The following RUNX2 variants were observed in gnomAD, a reference collection of about 807,000 sequenced individuals.
The protein encoded by RUNX2 is RUNX family transcription factor 2, also known as runt-related transcription factor 2.
Under a neutral mutation model 51.7 loss-of-function variants are expected in RUNX2, and 10 were observed. The ratio of observed to expected loss-of-function variants is 0.19; its 90% CI spans 0.12 to 0.33. RUNX2 has a LOEUF of 0.33. Ranked by LOEUF, RUNX2 falls within the 10% of genes least tolerant of loss-of-function variation. The pLI is 1.00. For synonymous variants in RUNX2, 276 were observed against 273.6 expected (o/e 1.01, Z -0.09); for missense variants, 562 against 691.3 (o/e 0.81, Z 2.10).
At chr6:45,434,510 A>C (rs1798627756) in intron 4 of RUNX2, among the ~76,000 whole-genome samples, 2 of 152,164 alleles carry the variant, frequency 1.3e-5, no homozygotes, top group South Asian at 4.1e-4. Flanking sequence ...CTTAGATTAT[A>C]AAGGAGTCAT....
At chr6:45,463,973 C>CA (rs1336560417) in intron 5 of RUNX2, among the ~76,000 whole-genome samples, 1 of 152,120 alleles carries the variant, frequency 6.6e-6, no homozygotes, top group Non-Finnish European at 1.5e-5. Flanking sequence ...GCAGGTGAAT[C>CA]ACGAGGTCAG....
At chr6:45,512,458 G>T (rs757366011) in intron 7 of RUNX2, 51 bp downstream of exon 7, 23 of 1,595,788 alleles carry the variant, frequency 1.4e-5, no homozygotes, top group Non-Finnish European at 2.0e-5. Flanking sequence ...GGGTCGGGGG[G>T]AGTGGGATGG....
intron 2 of RUNX2, among the ~76,000 whole-genome samples, chr6:45,334,449 C>CAAAAAAAAAAAAAAA (rs551014969): frequency 1.1e-5 from 1 of 91,760 alleles, no homozygotes; most frequent in Non-Finnish European, 2.1e-5. Flanking sequence ...TCAGGAAAAG[C>CAAAAAAAAAAAAAAA]AAAAAAAAAA....
chr6:45,457,147 G>A (rs1490164230), intron 5 of RUNX2, among the ~76,000 whole-genome samples: 1 of 152,140 alleles, frequency 6.6e-6, no homozygotes, highest in Admixed American at 6.5e-5. Flanking sequence ...AATTTTGGGG[G>A]TTACATAGTT....
chr6:45,393,999 C>T (rs888681279), intron 2 of RUNX2, among the ~76,000 whole-genome samples: 6 of 151,206 alleles, frequency 4.0e-5, no homozygotes, highest in Non-Finnish European at 5.9e-5. Context: ...CTCTGCTTCC[C>T]GGGTCCCGGT....
At chr6:45,392,570 A>C (rs1160058557) in intron 2 of RUNX2, among the ~76,000 whole-genome samples, 1 of 152,206 alleles carries the variant, frequency 6.6e-6, no homozygotes, top group Admixed American at 6.5e-5. Context: ...AGGCTGTATA[A>C]TCCGCATAAT....
intron 2 of RUNX2, among the ~76,000 whole-genome samples, chr6:45,381,542 C>T (rs1015585053): frequency 1.3e-5 from 2 of 152,074 alleles, no homozygotes; most frequent in South Asian, 4.1e-4. Context: ...ATCCTTCCAC[C>T]TCAGCCTCCT....
At chr6:45,539,247 G>A (rs952392220) in intron 7 of RUNX2, among the ~76,000 whole-genome samples, 1 of 151,228 alleles carries the variant, frequency 6.6e-6, no homozygotes, top group African/African-American at 2.4e-5. Context: ...TTTTCCTTCA[G>A]CATAACATAC....
At position 45,422,687 on chromosome 6, in the gene RUNX2, G is replaced by GCAGCAACAGCAGCAGCAGCAA. The variant is rs1563078870; in HGVS notation, c.159_179dup (p.Gln65_Gln71dup). 1 of 1,602,854 alleles carries GCAGCAACAGCAGCAGCAGCAA rather than the reference G, an allele frequency of 6.2e-7. No individual in the cohort carries two copies. The highest frequency in any genetic ancestry group is 1.7e-5 in the Admixed American group (1 of 58,694). On this transcript the variant is annotated inframe_insertion, in exon 3 of 9. Coordinates refer to ENST00000647337, the MANE Select transcript of RUNX2 (RefSeq NM_001024630.4). ...GCCCGGTGGTGGCTGCGCAACAGCA[G>GCAGCAACAGCAGCAGCAGCAA]CAGCAACAGCAGCAGCAGCAACAGC...
At chr6:45,499,494 G>T (rs1051113412) in intron 6 of RUNX2, among the ~76,000 whole-genome samples, 8 of 152,094 alleles carry the variant, frequency 5.3e-5, no homozygotes, top group African/African-American at 1.9e-4. Context: ...GTGAAGGGCT[G>T]GTGGTCAACC....
chr6:45,542,738 T>G (rs937888203), intron 7 of RUNX2, among the ~76,000 whole-genome samples: 1 of 152,230 alleles, frequency 6.6e-6, no homozygotes, highest in Non-Finnish European at 1.5e-5. Flanking sequence ...ACTTCTAAGA[T>G]AGCAGGTGTG....
intron 5 of RUNX2, among the ~76,000 whole-genome samples, chr6:45,483,506 A>G (rs141039018): frequency 3.4e-4 from 51 of 152,194 alleles, no homozygotes; most frequent in African/African-American, 1.2e-3. Flanking sequence ...TGTGACACCC[A>G]TCCTTAAGGG....
chr6:45,348,908 A>G (rs955549996), intron 2 of RUNX2, among the ~76,000 whole-genome samples: 1 of 152,016 alleles, frequency 6.6e-6, no homozygotes, highest in African/African-American at 2.4e-5. Flanking sequence ...TATCCTGTAC[A>G]TTTTCCTTCA....
At chr6:45,416,763 T>C (rs1798076426) in intron 2 of RUNX2, among the ~76,000 whole-genome samples, 1 of 152,180 alleles carries the variant, frequency 6.6e-6, no homozygotes. Flanking sequence ...TCAAACAAAA[T>C]ATATACCTCT....
At position 45,422,873 on chromosome 6, in the gene RUNX2, C is replaced by A. The variant is rs747378618; in HGVS notation, c.339C>A (p.Leu113=). Reference sequence around the variant, plus strand: ...TCATCGCCGACCACCCGGCCGAACTCGTCCGCACCGACAGCCCCAACTTCC... The same window carrying A: ...TCATCGCCGACCACCCGGCCGAACTAGTCCGCACCGACAGCCCCAACTTCC... The part of the protein sequence containing the change: ...VEIIADHPAE[L]VRTDSPNFLC... Residue 113 remains leucine (L), a synonymous_variant, in exon 3 of 9, where the codon CTC becomes CTA. Coordinates refer to ENST00000647337, the MANE Select transcript of RUNX2 (RefSeq NM_001024630.4). 4 of 1,612,540 alleles carry A rather than the reference C, an allele frequency of 2.5e-6. No individual in the cohort carries two copies. The South Asian group carries it at 3.3e-5, about 13-fold the overall frequency.
chr6:45,348,465 C>G (rs2396504), intron 2 of RUNX2, among the ~76,000 whole-genome samples: 55,028 of 145,264 alleles, frequency 0.38, 10,965 homozygotes, highest in Non-Finnish European at 0.45. Context: ...TCTAGAGTTC[C>G]AGACCAGACT....
intron 2 of RUNX2, among the ~76,000 whole-genome samples, chr6:45,366,419 T>TAAC (rs1795141966): frequency 6.6e-6 from 1 of 152,164 alleles, no homozygotes; most frequent in Non-Finnish European, 1.5e-5. Context: ...GAGAATTAAA[T>TAAC]GAATACATAC....
chr6:45,363,010 GTTT>G (rs1303018357), intron 2 of RUNX2, among the ~76,000 whole-genome samples: 1 of 151,694 alleles, frequency 6.6e-6, no homozygotes, highest in Non-Finnish European at 1.5e-5. Flanking sequence ...AGGTACATAG[GTTT>G]TTTATTTTTA....
In RUNX2 at chr6:45,422,638, A is replaced by T. The variant is rs1048885121; in HGVS notation, c.104A>T (p.Gln35Leu). 3 of 1,606,332 alleles carry T rather than the reference A, an allele frequency of 1.9e-6. No homozygotes were observed. In the African/African-American group the frequency reaches 4.0e-5, roughly 22 times the overall value. ...RRFSPPSSSL[Q>L]PGKMSDVSPV... is the part of the protein sequence containing the mutation. ...TTCAGCCCCCCCTCCAGCAGCCTGC[A>T]GCCCGGCAAAATGAGCGACGTGAGC... The change falls in exon 3 of 9, where the codon CAG becomes CTG. Residue 35 changes from glutamine to leucine, a missense_variant. By Grantham distance (113) the Gln-to-Leu change is moderately radical. Transcript: ENST00000647337.
Sources: allele counts gnomAD v4.1 joint callset (sites outside exome capture counted in the v4.1 genomes callset), GRCh38; gene constraint gnomAD v4.1.1; transcripts MANE v1.5; gene names NCBI Gene and HGNC (gene_info 2026-07-23, HGNC 2026-07-21).